Variants in MARCHF1 observed in about 807,000 individuals in gnomAD.
MARCHF1 encodes the protein membrane associated ring-CH-type finger 1.
A neutral mutation model predicts 54.2 loss-of-function variants in MARCHF1; 40 were observed. The observed-to-expected ratio is 0.74, with a 90% CI of 0.57 to 0.96. The LOEUF (loss-of-function observed/expected upper bound fraction) is 0.96, where lower values mean the gene tolerates loss of function less well. Among genes scored for constraint, MARCHF1 ranks in the 40% least tolerant of loss-of-function variants. The probability of loss-of-function intolerance (pLI) is 0.00; values close to 1 mark genes in which losing one functional copy is unlikely to be tolerated. For synonymous variants in MARCHF1, 236 were observed against 236.3 expected (o/e 1.00, Z 0.01); for missense variants, 586 against 656.5 (o/e 0.89, Z 1.17).
chr4:163,708,463 G>A (rs988938839), intron 4 of MARCHF1, among the ~76,000 whole-genome samples: 1 of 152,000 alleles, frequency 6.6e-6, no homozygotes, highest in Non-Finnish European at 1.5e-5. Flanking sequence ...AATAAACAAT[G>A]TTCATCAATA....
At chr4:163,852,539 A>C (rs780753486) in intron 4 of MARCHF1, among the ~76,000 whole-genome samples, 11 of 152,180 alleles carry the variant, frequency 7.2e-5, no homozygotes, top group Non-Finnish European at 1.5e-4. Context: ...GTAACACATA[A>C]GTCATTTTAG....
intron 3 of MARCHF1, among the ~76,000 whole-genome samples, chr4:163,873,581 C>A (rs112500547): frequency 1.3e-5 from 2 of 152,292 alleles, no homozygotes; most frequent in African/African-American, 4.8e-5. Context: ...TTTACAGGAG[C>A]TCTGGCTTCC....
chr4:164,256,801 CT>C (rs1560976495), intron 1 of MARCHF1, among the ~76,000 whole-genome samples: 1 of 152,172 alleles, frequency 6.6e-6, no homozygotes, highest in African/African-American at 2.4e-5. Context: ...ACGGCATATA[CT>C]TACAGCCGGG....
chr4:163,971,000 G>A (rs1030310619), intron 3 of MARCHF1, among the ~76,000 whole-genome samples: 1 of 152,170 alleles, frequency 6.6e-6, no homozygotes, highest in Non-Finnish European at 1.5e-5. Context: ...AGACTACAGT[G>A]AGACTCTCAA....
At chr4:163,560,405 A>G (rs576791647) in intron 8 of MARCHF1, among the ~76,000 whole-genome samples, 2 of 152,272 alleles carry the variant, frequency 1.3e-5, no homozygotes, top group African/African-American at 2.4e-5. Context: ...TAACAACTAT[A>G]CTACCCTGCC....
chr4:163,575,782 A>G (rs1740016791), intron 8 of MARCHF1, among the ~76,000 whole-genome samples: 1 of 151,722 alleles, frequency 6.6e-6, no homozygotes, highest in Non-Finnish European at 1.5e-5. Context: ...TGGAGATTGC[A>G]TGTTTCCAGA....
chr4:164,258,798 G>A (rs1733367709), intron 1 of MARCHF1, among the ~76,000 whole-genome samples: 1 of 151,946 alleles, frequency 6.6e-6, no homozygotes, highest in Non-Finnish European at 1.5e-5. Context: ...GCTCTGGTTT[G>A]ATTATTCTGA....
At chr4:163,936,691 A>C (rs796714949) in intron 3 of MARCHF1, among the ~76,000 whole-genome samples, 12 of 152,324 alleles carry the variant, frequency 7.9e-5, no homozygotes, top group African/African-American at 2.9e-4. Context: ...TCTGGAAATG[A>C]CTATACCAGC....
At chr4:164,248,343 A>T (rs1206766830) in intron 1 of MARCHF1, among the ~76,000 whole-genome samples, 1 of 152,136 alleles carries the variant, frequency 6.6e-6, no homozygotes, top group East Asian at 1.9e-4. Flanking sequence ...CCCAAGGTGC[A>T]TTGTGAGAGT....
intron 4 of MARCHF1, among the ~76,000 whole-genome samples, chr4:163,850,381 C>T (rs1024426751): frequency 1.6e-4 from 24 of 152,172 alleles, no homozygotes; most frequent in African/African-American, 5.8e-4. Flanking sequence ...CAGCCTCCTC[C>T]CTCTGTTACT....
At chr4:163,917,008 C>T (rs934936168) in intron 3 of MARCHF1, among the ~76,000 whole-genome samples, 1 of 152,108 alleles carries the variant, frequency 6.6e-6, no homozygotes, top group African/African-American at 2.4e-5. Context: ...TCCTATTCAT[C>T]TCCTCCCCAC....
chr4:163,620,895 T>C (rs879000579), intron 5 of MARCHF1, among the ~76,000 whole-genome samples: 4 of 152,198 alleles, frequency 2.6e-5, no homozygotes, highest in Admixed American at 2.6e-4. Context: ...TCTAATTTAA[T>C]AATGAGAAAA....
chr4:164,133,801 C>A (rs958807998), intron 1 of MARCHF1, among the ~76,000 whole-genome samples: 9 of 152,104 alleles, frequency 5.9e-5, no homozygotes, highest in African/African-American at 1.9e-4. Context: ...GCTAGTGGTC[C>A]CATTAACCCA....
chr4:164,045,252 C>A (rs1361942343), intron 2 of MARCHF1, among the ~76,000 whole-genome samples: 1 of 152,008 alleles, frequency 6.6e-6, no homozygotes, highest in Non-Finnish European at 1.5e-5. Flanking sequence ...TAGCTCACAC[C>A]TGTAATACTT....
intron 1 of MARCHF1, among the ~76,000 whole-genome samples, chr4:164,147,749 C>G: frequency 6.8e-6 from 1 of 146,132 alleles, no homozygotes; most frequent in Non-Finnish European, 1.5e-5. Context: ...GTGCAGCGCA[C>G]CAGCATGGCA....
intron 2 of MARCHF1, among the ~76,000 whole-genome samples, chr4:163,999,715 C>G (rs1196134901): frequency 3.3e-5 from 5 of 151,446 alleles, no homozygotes; most frequent in African/African-American, 1.2e-4. Context: ...TGAGCCAACT[C>G]ATATCTGCCA....
intron 1 of MARCHF1, among the ~76,000 whole-genome samples, chr4:164,236,836 A>G (rs1231187455): frequency 1.3e-5 from 2 of 152,158 alleles, no homozygotes; most frequent in African/African-American, 4.8e-5. Flanking sequence ...TGAAATGTAA[A>G]AACTATAATT....
rs1235804289 is a variant in MARCHF1, at chr4:163,595,333, A to T, written c.1011-9404T>A. ...AGACCCGCCTGGGTAACACAGTGAG[A>T]CCCTGTCTTCACTAAAAATAAAATA... is the stretch of plus-strand genomic sequence containing the variant. On this transcript the variant is annotated intron_variant, in intron 7 of 9. Coordinates refer to ENST00000514618, the MANE Select transcript of MARCHF1 (RefSeq NM_001394959.1). Among the ~76,000 whole-genome samples, 4 of 148,236 alleles carry T rather than the reference A, an allele frequency of 2.7e-5. 1 individual carries two copies. In the South Asian group the frequency reaches 8.6e-4, roughly 32 times the overall value.
At chr4:164,152,838 G>A (rs1445911205) in intron 1 of MARCHF1, among the ~76,000 whole-genome samples, 1 of 152,016 alleles carries the variant, frequency 6.6e-6, no homozygotes, top group East Asian at 1.9e-4. Context: ...TCAACCAATT[G>A]TCAACCAGAA....
Sources: allele counts gnomAD v4.1 joint callset (sites outside exome capture counted in the v4.1 genomes callset), GRCh38; gene constraint gnomAD v4.1.1; transcripts MANE v1.5; gene names NCBI Gene and HGNC (gene_info 2026-07-23, HGNC 2026-07-21).